Variants in MAF observed in about 807,000 individuals in gnomAD.
MAF encodes the protein transcription factor Maf.
In MAF, 10 loss-of-function variants were observed where a neutral mutation model predicts 22.0. The observed-to-expected ratio is 0.45, with a 90% CI of 0.28 to 0.77. The LOEUF (loss-of-function observed/expected upper bound fraction) is 0.77. Among genes scored for constraint, MAF ranks in the 30% least tolerant of loss-of-function variants. The pLI is 0.12. For synonymous variants in MAF, 337 were observed against 255.8 expected, an observed-to-expected ratio of 1.32 and a Z score of -3.03; for missense variants, 544 against 548.4, an observed-to-expected ratio of 0.99 and a Z score of 0.08.
the MAF span, among the ~76,000 whole-genome samples, chr16:79,431,070 T>A: frequency 6.6e-6 from 1 of 152,096 alleles, no homozygotes; most frequent in Non-Finnish European, 1.5e-5. Flanking sequence ...TCATTTTCTT[T>A]GAATCAGAAC....
At chr16:79,353,770 T>G in the MAF span, among the ~76,000 whole-genome samples, 1 of 152,232 alleles carries the variant, frequency 6.6e-6, no homozygotes, top group South Asian at 2.1e-4. Context: ...TCAAAATCTT[T>G]TAGACGATGG....
At chr16:79,595,509 T>C (rs1361098332) in intron 1 of MAF, 2 of 1,059,806 alleles carry the variant, frequency 1.9e-6, no homozygotes, top group Non-Finnish European at 2.3e-6. Context: ...ATTCTATTGG[T>C]GTGCTAGGGG....
the MAF span, among the ~76,000 whole-genome samples, chr16:79,333,385 G>C: frequency 6.6e-6 from 1 of 152,082 alleles, no homozygotes. Context: ...GACTTTGCAG[G>C]GGAGAGTTCT....
At chr16:79,294,152 A>G in the MAF span, among the ~76,000 whole-genome samples, 12 of 152,310 alleles carry the variant, frequency 7.9e-5, no homozygotes, top group East Asian at 2.3e-3. Flanking sequence ...ACAAAGCAAC[A>G]TCTCAGCTTC....
At chr16:79,550,919 A>G in the MAF span, among the ~76,000 whole-genome samples, 1 of 152,134 alleles carries the variant, frequency 6.6e-6, no homozygotes, top group African/African-American at 2.4e-5. Flanking sequence ...CCAGAACCAC[A>G]GCATATGGGG....
chr16:79,543,938 G>A, the MAF span, among the ~76,000 whole-genome samples: 7 of 151,560 alleles, frequency 4.6e-5, no homozygotes, highest in South Asian at 2.1e-4. Flanking sequence ...CACCCGCCTC[G>A]GCCTCCCAAA....
chr16:79,407,716 C>A, the MAF span, among the ~76,000 whole-genome samples: 1 of 151,948 alleles, frequency 6.6e-6, no homozygotes, highest in African/African-American at 2.4e-5. Flanking sequence ...CATATGGCTT[C>A]ATTATAAAAA....
the MAF span, among the ~76,000 whole-genome samples, chr16:79,341,852 A>G: frequency 6.6e-5 from 10 of 152,140 alleles, no homozygotes; most frequent in Non-Finnish European, 1.3e-4. Flanking sequence ...TCCTGCAGAG[A>G]AAGTGATAAA....
the MAF span, among the ~76,000 whole-genome samples, chr16:79,556,094 T>C: frequency 1.2e-3 from 177 of 152,318 alleles, 1 homozygote; most frequent in Admixed American, 3.3e-3. Context: ...TTATATAATT[T>C]AATTTTAAAT....
At chr16:79,325,584 G>C in the MAF span, among the ~76,000 whole-genome samples, 1 of 144,432 alleles carries the variant, frequency 6.9e-6, no homozygotes, top group Non-Finnish European at 1.5e-5. Flanking sequence ...CCCACACACA[G>C]ATACCCAGAC....
the MAF span, among the ~76,000 whole-genome samples, chr16:79,366,494 C>G: frequency 7.9e-5 from 12 of 152,196 alleles, no homozygotes; most frequent in Non-Finnish European, 1.6e-4. Context: ...GTTAGGAATT[C>G]TCTCATATAT....
chr16:79,228,316 C>A, the MAF span, among the ~76,000 whole-genome samples: 6 of 152,004 alleles, frequency 3.9e-5, no homozygotes, highest in Non-Finnish European at 8.8e-5. Context: ...TAAGAAACAT[C>A]CAAATAATTC....
chr16:79,425,940 C>T, the MAF span, among the ~76,000 whole-genome samples: 1 of 152,232 alleles, frequency 6.6e-6, no homozygotes. Context: ...GGGGTGGTGG[C>T]TCACGCCTGT....
chr16:79,422,304 G>C, the MAF span, among the ~76,000 whole-genome samples: 1 of 152,194 alleles, frequency 6.6e-6, no homozygotes, highest in Non-Finnish European at 1.5e-5. Flanking sequence ...TGACGTCAAA[G>C]TGAAGGGGCT....
At chr16:79,468,111 G>C in the MAF span, among the ~76,000 whole-genome samples, 1 of 152,188 alleles carries the variant, frequency 6.6e-6, no homozygotes, top group African/African-American at 2.4e-5. Flanking sequence ...CAAAGAGACA[G>C]CAGCCATTGG....
chr16:79,357,343 G>A, the MAF span, among the ~76,000 whole-genome samples: 180 of 152,286 alleles, frequency 1.2e-3, 1 homozygote, highest in Non-Finnish European at 2.3e-3. Flanking sequence ...CCAGCTACTC[G>A]GGAGGCTGAG....
At chr16:79,393,016 G>A in the MAF span, among the ~76,000 whole-genome samples, 1 of 152,192 alleles carries the variant, frequency 6.6e-6, no homozygotes, top group Non-Finnish European at 1.5e-5. Flanking sequence ...CTCTCTTCCA[G>A]GAAGTTTTTT....
chr16:79,290,995 G>A, the MAF span, among the ~76,000 whole-genome samples: 5 of 152,032 alleles, frequency 3.3e-5, no homozygotes, highest in Non-Finnish European at 5.9e-5. Flanking sequence ...CGAGGACCAT[G>A]GGGAAGAAAC....
the MAF span, among the ~76,000 whole-genome samples, chr16:79,426,813 A>G: frequency 6.6e-6 from 1 of 152,250 alleles, no homozygotes; most frequent in Non-Finnish European, 1.5e-5. Context: ...GTTAGCAGGA[A>G]GGCTGGCGTG....
Sources: gnomAD v4.1 joint callset for allele counts (sites outside exome capture counted in the v4.1 genomes callset) on GRCh38, gnomAD v4.1.1 for gene constraint, MANE v1.5 for transcripts, NCBI Gene and HGNC (gene_info 2026-07-23, HGNC 2026-07-21) for gene names.